Variants in SLAMF6 observed in about 807,000 individuals in gnomAD.
SLAMF6 encodes the protein NK-T-B-antigen.
In SLAMF6, 21 loss-of-function variants were observed where a neutral mutation model predicts 38.3. That is an observed-to-expected ratio of 0.55 (90% confidence interval 0.39 to 0.79). The LOEUF is 0.79. Ranked by LOEUF, SLAMF6 falls within the 30% of genes least tolerant of loss-of-function variation. The pLI is 0.00. For synonymous variants in SLAMF6, 152 were observed against 146.3 expected, an observed-to-expected ratio of 1.04 and a Z score of -0.28; for missense variants, 341 against 385.3, an observed-to-expected ratio of 0.89 and a Z score of 0.96.
chr1:160,521,323 T>C (rs1654973771), intron 1 of SLAMF6, among the ~76,000 whole-genome samples: 1 of 152,194 alleles, frequency 6.6e-6, no homozygotes. Flanking sequence ...GTTACTTTAG[T>C]GTTCTGTGCC....
At chr1:160,513,711 C>T (rs1475684137) in intron 1 of SLAMF6, among the ~76,000 whole-genome samples, 1 of 152,152 alleles carries the variant, frequency 6.6e-6, no homozygotes, top group Non-Finnish European at 1.5e-5. Flanking sequence ...CAATATTCAA[C>T]ATTCTTAAAG....
chr1:160,511,494 G>A (rs904810201), intron 1 of SLAMF6, among the ~76,000 whole-genome samples: 1 of 152,288 alleles, frequency 6.6e-6, no homozygotes, highest in Admixed American at 6.5e-5. Context: ...TTTAACAAAT[G>A]GTGCTGGGAC....
At chr1:160,495,956 A>G in intron 2 of SLAMF6, 105 bp downstream of exon 2, 1 of 1,033,116 alleles carries the variant, frequency 9.7e-7, no homozygotes, top group Non-Finnish European at 1.4e-6. Flanking sequence ...TCCAAATGCC[A>G]TATTCTTTAC....
chr1:160,496,323 AAG>A lies in SLAMF6; in HGVS notation c.118_119del (p.Leu40SerfsTer19). Reference sequence around the variant, plus strand: ...TCTCTCCTGCAGGAAACTCCAGGGGAAGAGTTACTGACTCCCCCAGAATCCCG... The same window carrying A: ...TCTCTCCTGCAGGAAACTCCAGGGGAAGTTACTGACTCCCCCAGAATCCCG... ...VNGILGESVT[L>X]PLEFPAGEKV... On this transcript the variant is annotated frameshift_variant, in exon 2 of 8. Transcript: ENST00000368057. LOFTEE classifies it high-confidence loss of function. 6.2e-7 allele frequency: 1 copy of A among 1,613,970 alleles called. No individual in the cohort carries two copies. Among genetic ancestry groups the A allele is most frequent in the Non-Finnish European group, 8.5e-7 (1 of 1,179,900 alleles).
chr1:160,513,465 C>G (rs181329682), intron 1 of SLAMF6, among the ~76,000 whole-genome samples: 1 of 152,236 alleles, frequency 6.6e-6, no homozygotes, highest in African/African-American at 2.4e-5. Flanking sequence ...GGAGACTTCC[C>G]CAACCTAGCA....
intron 6 of SLAMF6, among the ~76,000 whole-genome samples, chr1:160,488,114 CA>C (rs1321592129): frequency 6.8e-6 from 1 of 147,594 alleles, no homozygotes; most frequent in East Asian, 2.0e-4. Context: ...AACCAAAAAA[CA>C]AAAAACAAAC....
chr1:160,497,305 TC>T (rs1653638973), intron 1 of SLAMF6, among the ~76,000 whole-genome samples: 2 of 152,322 alleles, frequency 1.3e-5, no homozygotes, highest in South Asian at 4.1e-4. Flanking sequence ...TAGCATCCTT[TC>T]CCAAATTCTT....
chr1:160,489,221 C>G (rs1455991257), intron 5 of SLAMF6, 51 bp from the exon 6 acceptor site: 8 of 1,574,932 alleles, frequency 5.1e-6, no homozygotes, highest in Non-Finnish European at 2.6e-6. Flanking sequence ...TGGGACTTCT[C>G]TCCCAGGACT....
intron 1 of SLAMF6, among the ~76,000 whole-genome samples, chr1:160,521,241 C>G (rs1654970305): frequency 6.6e-6 from 1 of 152,132 alleles, no homozygotes; most frequent in South Asian, 2.1e-4. Context: ...CTGCATCTGC[C>G]TCCTGTAAAC....
chr1:160,515,144 T>C (rs56934040), intron 1 of SLAMF6, among the ~76,000 whole-genome samples: 5,219 of 151,800 alleles, frequency 0.034, 345 homozygotes, highest in African/African-American at 0.12. Flanking sequence ...GAGAGAAGAA[T>C]CAAATGGACA....
chr1:160,515,098 T>C (rs1177854436), intron 1 of SLAMF6, among the ~76,000 whole-genome samples: 1 of 151,870 alleles, frequency 6.6e-6, no homozygotes, highest in East Asian at 1.9e-4. Context: ...ATAATATAGA[T>C]AGACTGCTAG....
At chr1:160,523,020 C>T (rs1401279992) in intron 1 of SLAMF6, 124 bp downstream of exon 1, 5 of 976,518 alleles carry the variant, frequency 5.1e-6, no homozygotes, top group Middle Eastern at 2.1e-4. Flanking sequence ...CTGCCAGCGT[C>T]CCCTTTCCCG....
chr1:160,489,264 T>A (rs1200677253), intron 5 of SLAMF6, 94 bp from the exon 6 acceptor site: 2 of 1,233,456 alleles, frequency 1.6e-6, no homozygotes, highest in African/African-American at 3.0e-5. Context: ...TGTCCCCAGA[T>A]AGGCAGGTGT....
intron 1 of SLAMF6, among the ~76,000 whole-genome samples, chr1:160,503,247 T>C (rs1237761031): frequency 6.6e-6 from 1 of 152,070 alleles, no homozygotes; most frequent in Non-Finnish European, 1.5e-5. Flanking sequence ...GGATGAGACA[T>C]GTAAAAGCTG....
intron 1 of SLAMF6, among the ~76,000 whole-genome samples, chr1:160,517,156 A>G (rs543406119): frequency 6.6e-6 from 1 of 152,278 alleles, no homozygotes; most frequent in East Asian, 1.9e-4. Context: ...ACTCAAACAA[A>G]TTTACAAGAA....
chr1:160,500,278 A>G (rs1462337959), intron 1 of SLAMF6, among the ~76,000 whole-genome samples: 6 of 152,262 alleles, frequency 3.9e-5, no homozygotes, highest in Non-Finnish European at 5.9e-5. Flanking sequence ...AATCATGTCT[A>G]TGGTCTATAA....
intron 1 of SLAMF6, among the ~76,000 whole-genome samples, chr1:160,506,008 G>A (rs1297612534): frequency 6.6e-6 from 1 of 151,910 alleles, no homozygotes; most frequent in African/African-American, 2.4e-5. Flanking sequence ...CAGTGCTTAA[G>A]AGATTTGTGG....
chr1:160,507,302 T>C (rs1009834613), intron 1 of SLAMF6, among the ~76,000 whole-genome samples: 3 of 152,048 alleles, frequency 2.0e-5, no homozygotes, highest in Non-Finnish European at 4.4e-5. Flanking sequence ...AAAAAGGACA[T>C]TATACATTAA....
intron 5 of SLAMF6, among the ~76,000 whole-genome samples, chr1:160,489,797 C>A (rs1653178503): frequency 6.6e-6 from 1 of 152,172 alleles, no homozygotes; most frequent in Non-Finnish European, 1.5e-5. Flanking sequence ...TTTTCTCTTT[C>A]CACTGTGTCT....
Sources: allele counts gnomAD v4.1 joint callset (sites outside exome capture counted in the v4.1 genomes callset), GRCh38; gene constraint gnomAD v4.1.1; transcripts MANE v1.5; gene names NCBI Gene and HGNC (gene_info 2026-07-23, HGNC 2026-07-21).